PKHD1: variants seen among roughly 807,000 people sequenced by gnomAD.
PKHD1 encodes fibrocystin.
A neutral mutation model predicts 412.0 loss-of-function variants in PKHD1; 291 were observed. The ratio of observed to expected loss-of-function variants is 0.71; its 90% CI spans 0.64 to 0.78. The LOEUF (loss-of-function observed/expected upper bound fraction) is 0.78. Among genes scored for constraint, PKHD1 ranks in the 30% least tolerant of loss-of-function variants. The probability of loss-of-function intolerance (pLI) is 0.00; values close to 1 mark genes in which losing one functional copy is unlikely to be tolerated. For synonymous variants in PKHD1, 1,777 were observed against 1,821.5 expected, an observed-to-expected ratio of 0.98 and a Z score of 0.62; for missense variants, 4,825 against 4,950.7, an observed-to-expected ratio of 0.97 and a Z score of 0.76.
At chr6:51,831,439 C>T (rs1162398544) in intron 51 of PKHD1, among the ~76,000 whole-genome samples, 2 of 152,158 alleles carry the variant, frequency 1.3e-5, no homozygotes, top group Admixed American at 6.6e-5. Flanking sequence ...TTTTCCTATG[C>T]ATTTTATAAT....
In PKHD1 at chr6:52,062,627, G is replaced by A. The variant is rs1357365971; in HGVS notation, c.1010C>T (p.Ala337Val). The A allele has an allele frequency of 6.2e-7, 1 of 1,614,078 alleles. No individual in the cohort carries two copies. Among genetic ancestry groups the A allele is most frequent in the East Asian group, 2.2e-5 (1 of 44,878 alleles). Residue 337 changes from alanine (A) to valine (V), a missense_variant, in exon 14 of 67, where the codon GCT becomes GTT. Coordinates refer to ENST00000371117, the MANE Select transcript of PKHD1 (RefSeq NM_138694.4). ...TTCAGTCAGTTCCAGTCCCTCAACA[G>A]CATCTCCAACTTCAAAAAGAAGCCC... Reference protein sequence around the residue: ...NRGLLFEVGDAVEGLELTEAT... With the variant: ...NRGLLFEVGDVVEGLELTEAT...
chr6:51,807,485 A>ATATGTGTGTG (rs765667001), intron 52 of PKHD1, among the ~76,000 whole-genome samples: 39 of 111,766 alleles, frequency 3.5e-4, no homozygotes, highest in African/African-American at 1.4e-3. Context: ...ATATATGTAT[A>ATATGTGTGTG]TGTGTGTGTG....
At chr6:51,687,149 G>A (rs1777548442) in intron 60 of PKHD1, among the ~76,000 whole-genome samples, 1 of 152,166 alleles carries the variant, frequency 6.6e-6, no homozygotes, top group South Asian at 2.1e-4. Context: ...TTCCTTCACA[G>A]AGAGGAATGA....
chr6:51,858,230 A>G (rs951361051), intron 48 of PKHD1, among the ~76,000 whole-genome samples: 1 of 152,142 alleles, frequency 6.6e-6, no homozygotes, highest in Non-Finnish European at 1.5e-5. Context: ...TTAGTTTTAA[A>G]TTGTAATCTT....
chr6:51,874,756 G>A (rs766440489), intron 46 of PKHD1, among the ~76,000 whole-genome samples: 12 of 146,564 alleles, frequency 8.2e-5, no homozygotes, highest in Non-Finnish European at 1.5e-4. Flanking sequence ...TTGAAACTCC[G>A]TCTGTACTAA....
At chr6:52,033,236 T>G in intron 28 of PKHD1, 71 bp from the exon 29 acceptor site, 1 of 1,186,608 alleles carries the variant, frequency 8.4e-7, no homozygotes, top group Non-Finnish European at 1.3e-6. Context: ...GGAAGAGAAC[T>G]CCATATAGAA....
At chr6:51,811,325 A>G (rs754218532) in intron 52 of PKHD1, among the ~76,000 whole-genome samples, 3 of 152,166 alleles carry the variant, frequency 2.0e-5, no homozygotes, top group Non-Finnish European at 2.9e-5. Context: ...ATTGTTTATA[A>G]AAGTGAAAAA....
intron 37 of PKHD1, among the ~76,000 whole-genome samples, chr6:51,914,706 C>G (rs1281511205): frequency 6.6e-6 from 1 of 152,072 alleles, no homozygotes; most frequent in Non-Finnish European, 1.5e-5. Context: ...CAAAGACTCT[C>G]CATAATGTGA....
intron 37 of PKHD1, among the ~76,000 whole-genome samples, chr6:51,930,893 G>T (rs1349448552): frequency 6.6e-6 from 1 of 152,180 alleles, no homozygotes; most frequent in African/African-American, 2.4e-5. Flanking sequence ...GAAGAGAAGA[G>T]AAGATGCCTG....
intron 35 of PKHD1, among the ~76,000 whole-genome samples, chr6:51,991,316 G>A (rs1439408124): frequency 2.6e-5 from 4 of 152,138 alleles, no homozygotes; most frequent in Non-Finnish European, 5.9e-5. Context: ...TATGTGTATT[G>A]TGCTCTAATT....
chr6:52,008,181 C>T (rs79268492), intron 35 of PKHD1, among the ~76,000 whole-genome samples: 4,164 of 152,252 alleles, frequency 0.027, 576 homozygotes, highest in Admixed American at 0.24. Context: ...GGCTTACTTC[C>T]CCCACAATGA....
intron 60 of PKHD1, among the ~76,000 whole-genome samples, chr6:51,682,980 A>G (rs1351063151): frequency 1.3e-5 from 2 of 152,066 alleles, no homozygotes; most frequent in Non-Finnish European, 1.5e-5. Flanking sequence ...GGGAAAATAT[A>G]TTGAAAAAGG....
chr6:51,974,137 T>C (rs1794046544), intron 35 of PKHD1, among the ~76,000 whole-genome samples: 2 of 152,202 alleles, frequency 1.3e-5, no homozygotes, highest in South Asian at 2.1e-4. Context: ...TTCCCACTCA[T>C]TGATGACCTT....
At chr6:51,783,424 T>A (rs1418652876) in intron 53 of PKHD1, among the ~76,000 whole-genome samples, 4 of 149,526 alleles carry the variant, frequency 2.7e-5, no homozygotes, top group Admixed American at 6.7e-5. Context: ...ATTTTAATAA[T>A]TAATACAAAT....
At chr6:52,037,489 G>A (rs966608752) in intron 27 of PKHD1, among the ~76,000 whole-genome samples, 12 of 152,140 alleles carry the variant, frequency 7.9e-5, no homozygotes, top group Admixed American at 2.6e-4. Flanking sequence ...AAATCAGTAA[G>A]AAAGAACAAT....
In PKHD1 at chr6:52,040,253, T is replaced by C. The variant is rs543812651; in HGVS notation, c.3097+2606A>G. On this transcript the variant is annotated intron_variant, in intron 27 of 66. Coordinates refer to ENST00000371117, the MANE Select transcript of PKHD1 (RefSeq NM_138694.4). The stretch of plus-strand genomic sequence containing the variant: ...CTTTTTAAAAATGAGTTTTATGATA[T>C]GGGAATTATATCTCAATTTTTTAAG... 2.5e-3 allele frequency among the ~76,000 whole-genome samples: 388 copies of C among 152,302 alleles called. 3 individuals are homozygous for C. The highest frequency in any genetic ancestry group is 8.7e-3 in the African/African-American group (361 of 41,562).
At chr6:51,808,785 G>T (rs1219695715) in intron 52 of PKHD1, among the ~76,000 whole-genome samples, 1 of 151,996 alleles carries the variant, frequency 6.6e-6, no homozygotes, top group Non-Finnish European at 1.5e-5. Flanking sequence ...CGCAAAATTT[G>T]ACTCTGCCAT....
intron 37 of PKHD1, among the ~76,000 whole-genome samples, chr6:51,913,713 T>C (rs2127672918): frequency 6.6e-6 from 1 of 152,262 alleles, no homozygotes; most frequent in Non-Finnish European, 1.5e-5. Context: ...CAAATTATTT[T>C]AAACTTTCCT....
chr6:51,844,460 G>C (rs1382836373), intron 50 of PKHD1, among the ~76,000 whole-genome samples: 3 of 152,146 alleles, frequency 2.0e-5, no homozygotes, highest in African/African-American at 4.8e-5. Flanking sequence ...TCCTTGAGAA[G>C]GGTTCTCCCA....
Sources: gnomAD v4.1 joint callset for allele counts (sites outside exome capture counted in the v4.1 genomes callset) on GRCh38, gnomAD v4.1.1 for gene constraint, MANE v1.5 for transcripts, NCBI Gene and HGNC (gene_info 2026-07-23, HGNC 2026-07-21) for gene names.